Variants in FHIT observed in about 807,000 individuals in gnomAD.
FHIT encodes fragile histidine triad diadenosine triphosphatase, also known as bis(5'-adenosyl)-triphosphatase.
Under a neutral mutation model 17.9 loss-of-function variants are expected in FHIT, and 19 were observed. That is an observed-to-expected ratio of 1.06 (90% CI 0.74 to 1.56). The LOEUF is 1.56. Among genes scored for constraint, FHIT ranks in the 40% most tolerant of loss-of-function variants. FHIT has a pLI of 0.00. For missense variants in FHIT, 248 were observed against 189.2 expected, an observed-to-expected ratio of 1.31 and a Z score of -1.82; for synonymous variants, 81 against 69.7, an observed-to-expected ratio of 1.16 and a Z score of -0.81.
In FHIT at chr3:60,153,364, G is replaced by GAA. The variant is rs71089587; in HGVS notation, c.104-139214_104-139213dup. Among the ~76,000 whole-genome samples the GAA allele has an allele frequency of 1.6e-3, 174 of 106,340 alleles. 1 individual carries two copies. Among genetic ancestry groups the GAA allele is most frequent in the Middle Eastern group, 5.6e-3 (1 of 180 alleles). 69.8% of individuals were successfully genotyped at this position (106,340 alleles called of 152,430 possible). Reference sequence around the variant, plus strand: ...GGTAACTTTCACTCACAATTCACCAGAAAAAAAAAAAAAAAAAAAAAAGAG... The same window carrying GAA: ...GGTAACTTTCACTCACAATTCACCAGAAAAAAAAAAAAAAAAAAAAAAAAGAG... On this transcript the variant is annotated intron_variant, in intron 5 of 9. Transcript: ENST00000492590.
chr3:60,443,869 G>A (rs1245901674), intron 5 of FHIT, among the ~76,000 whole-genome samples: 1 of 152,110 alleles, frequency 6.6e-6, no homozygotes, highest in Non-Finnish European at 1.5e-5. Flanking sequence ...AAGAGCTTCT[G>A]CACAGCAAAA....
intron 5 of FHIT, among the ~76,000 whole-genome samples, chr3:60,188,136 A>G (rs1702238072): frequency 6.6e-6 from 1 of 151,932 alleles, no homozygotes; most frequent in Non-Finnish European, 1.5e-5. Context: ...TCTGATTTCA[A>G]CATAGTACAA....
At chr3:60,894,470 G>A (rs1705684253) in intron 3 of FHIT, among the ~76,000 whole-genome samples, 1 of 152,098 alleles carries the variant, frequency 6.6e-6, no homozygotes, top group Admixed American at 6.5e-5. Context: ...ACAGCAATGG[G>A]TGAAAGGATT....
At chr3:60,314,584 A>T (rs1239067291) in intron 5 of FHIT, among the ~76,000 whole-genome samples, 6 of 152,228 alleles carry the variant, frequency 3.9e-5, no homozygotes, top group Admixed American at 1.3e-4. Context: ...ACATTTTACA[A>T]AAGGCTCCCT....
rs76886858 is a variant in FHIT at position 60,500,288 on chromosome 3, A to C, written c.103+36572T>G. On this transcript the variant is annotated intron_variant, in intron 5 of 9. Coordinates refer to ENST00000492590, the MANE Select transcript of FHIT (RefSeq NM_002012.4). ...ACCACATGGCCCAGAAAAGATTTAC[A>C]GAAAAAGTTTGCTAGCTCCTGGTCT... Among the ~76,000 whole-genome samples, 368 of 152,376 alleles carry C rather than the reference A, an allele frequency of 2.4e-3. 5 individuals carry two copies. Among genetic ancestry groups the C allele is most frequent in the African/African-American group, 8.2e-3 (339 of 41,590 alleles).
Position 59,752,306 on chromosome 3 carries a change from T to C in FHIT, c.364A>G (p.Lys122Glu), listed in dbSNP as rs1490784496. 2 of 1,612,122 alleles carry C rather than the reference T, an allele frequency of 1.2e-6. No homozygotes were observed. Among genetic ancestry groups the C allele is most frequent in the Admixed American group, 1.7e-5 (1 of 59,910 alleles). Residue 122 changes from lysine (K) to glutamate (E), a missense_variant, in exon 9 of 10, where the codon AAG becomes GAG. Physicochemically the swap from Lys to Glu is moderately conservative, Grantham distance 56 (BLOSUM62 1). Transcript: ENST00000492590. Reference protein sequence around the residue: ...SIYEELQKHDKEDFPASWRSE... With the variant: ...SIYEELQKHDEEDFPASWRSE... ...CTCCAAGAGGCAGGAAAGTCCTCCTTGTCATGTTTCTGGAGCTTTGGAGAA... is the reference window on the plus strand; with the variant it reads ...CTCCAAGAGGCAGGAAAGTCCTCCTCGTCATGTTTCTGGAGCTTTGGAGAA...
chr3:60,298,091 G>T (rs1166751861), intron 5 of FHIT, among the ~76,000 whole-genome samples: 1 of 151,932 alleles, frequency 6.6e-6, no homozygotes, highest in Admixed American at 6.6e-5. Flanking sequence ...TCCCTCTCTG[G>T]GAAGGTGCCC....
chr3:60,261,791 T>C (rs527970065), intron 5 of FHIT, among the ~76,000 whole-genome samples: 3 of 152,080 alleles, frequency 2.0e-5, no homozygotes, highest in East Asian at 1.9e-4. Flanking sequence ...AAGCAGACTA[T>C]ACAGTAATTC....
intron 5 of FHIT, among the ~76,000 whole-genome samples, chr3:60,102,709 A>G (rs141347406): frequency 6.6e-6 from 1 of 152,204 alleles, no homozygotes; most frequent in Non-Finnish European, 1.5e-5. Context: ...CCCCAAGCAA[A>G]GCTTCATATC....
chr3:60,271,761 A>G (rs1432836306), intron 5 of FHIT, among the ~76,000 whole-genome samples: 1 of 152,184 alleles, frequency 6.6e-6, no homozygotes, highest in Admixed American at 6.5e-5. Flanking sequence ...GAAGATAGTT[A>G]TTCATTTTTG....
intron 3 of FHIT, among the ~76,000 whole-genome samples, chr3:60,920,114 A>G (rs782526461): frequency 1.3e-5 from 2 of 152,326 alleles, no homozygotes; most frequent in African/African-American, 4.8e-5. Flanking sequence ...TCTTAAGCTC[A>G]ATGAATTTAA....
chr3:60,178,257 A>C (rs1222684880), intron 5 of FHIT, among the ~76,000 whole-genome samples: 1 of 152,064 alleles, frequency 6.6e-6, no homozygotes, highest in Non-Finnish European at 1.5e-5. Flanking sequence ...TAACTTCCCA[A>C]ATGGGTTAGC....
chr3:60,659,249 G>C (rs1177121130), intron 4 of FHIT, among the ~76,000 whole-genome samples: 1 of 151,808 alleles, frequency 6.6e-6, no homozygotes, highest in Non-Finnish European at 1.5e-5. Context: ...TTGTGTCTTG[G>C]GGTGGATCTC....
chr3:60,361,155 T>C (rs146631896), intron 5 of FHIT, among the ~76,000 whole-genome samples: 29 of 152,300 alleles, frequency 1.9e-4, no homozygotes, highest in African/African-American at 6.7e-4. Flanking sequence ...GGGCTATGTA[T>C]TGGAGGTGCA....
chr3:61,032,910 A>C (rs915226548), intron 3 of FHIT, among the ~76,000 whole-genome samples: 1 of 152,232 alleles, frequency 6.6e-6, no homozygotes, highest in Non-Finnish European at 1.5e-5. Context: ...GGGCCTGTGA[A>C]CCAGGAGAGT....
intron 3 of FHIT, among the ~76,000 whole-genome samples, chr3:60,944,533 T>C (rs1708560054): frequency 6.6e-6 from 1 of 152,236 alleles, no homozygotes; most frequent in South Asian, 2.1e-4. Flanking sequence ...GATAGTGTCA[T>C]GGAATAAGAC....
intron 4 of FHIT, chr3:60,616,763 T>C (rs1185089766): frequency 3.3e-5 from 5 of 152,168 alleles, no homozygotes; most frequent in African/African-American, 7.2e-5. Context: ...ACTTGACCTA[T>C]ACATTCAATG....
At chr3:60,883,626 T>C (rs1705070483) in intron 3 of FHIT, among the ~76,000 whole-genome samples, 5 of 152,176 alleles carry the variant, frequency 3.3e-5, no homozygotes, top group Admixed American at 3.3e-4. Flanking sequence ...GGACAGTCTA[T>C]TCATAAATGA....
At chr3:60,391,386 CA>C (rs1701227000) in intron 5 of FHIT, among the ~76,000 whole-genome samples, 1 of 152,180 alleles carries the variant, frequency 6.6e-6, no homozygotes, top group Non-Finnish European at 1.5e-5. Context: ...CCTTCTTCAT[CA>C]ATGTTTTTAA....
Sources: gnomAD v4.1 joint callset for allele counts (sites outside exome capture counted in the v4.1 genomes callset) on GRCh38, gnomAD v4.1.1 for gene constraint, MANE v1.5 for transcripts, NCBI Gene and HGNC (gene_info 2026-07-23, HGNC 2026-07-21) for gene names.